EYS: variants seen among roughly 807,000 people sequenced by gnomAD.
EYS encodes the protein EGF-like photoreceptor maintenance factor.
Under a neutral mutation model 282.1 loss-of-function variants are expected in EYS, and 250 were observed. That is an observed-to-expected ratio of 0.89 (90% CI 0.80 to 0.98). The LOEUF (loss-of-function observed/expected upper bound fraction) is 0.98, where lower values mean the gene tolerates loss of function less well. EYS is among the 50% of genes least tolerant of loss of function. The pLI is 0.00. For missense variants in EYS, 4,016 were observed against 3,709.0 expected (o/e 1.08, Z -2.15); for synonymous variants, 1,355 against 1,282.9 (o/e 1.06, Z -1.20).
intron 12 of EYS, among the ~76,000 whole-genome samples, chr6:65,282,405 G>A (rs538364061): frequency 1.3e-5 from 2 of 151,876 alleles, no homozygotes; most frequent in African/African-American, 4.8e-5. Flanking sequence ...ATAACAAAAT[G>A]AACTAAAATT....
chr6:64,238,496 T>G (rs1170270332), intron 30 of EYS, among the ~76,000 whole-genome samples: 1 of 152,128 alleles, frequency 6.6e-6, no homozygotes, highest in African/African-American at 2.4e-5. Context: ...TCACCCTGTA[T>G]TGTACATTTT....
chr6:64,354,848 T>C (rs1204472853), intron 29 of EYS, among the ~76,000 whole-genome samples: 1 of 151,624 alleles, frequency 6.6e-6, no homozygotes, highest in African/African-American at 2.4e-5. Flanking sequence ...TACATAGTTA[T>C]CAAATCCTTT....
chr6:64,535,783 C>T (rs914740081), intron 26 of EYS, among the ~76,000 whole-genome samples: 1 of 151,838 alleles, frequency 6.6e-6, no homozygotes, highest in African/African-American at 2.4e-5. Context: ...TTCATTAAAA[C>T]ATTGACGGAT....
intron 14 of EYS, among the ~76,000 whole-genome samples, chr6:64,985,743 C>T (rs1293208058): frequency 6.6e-6 from 1 of 151,464 alleles, no homozygotes; most frequent in African/African-American, 2.4e-5. Flanking sequence ...AATATTTGGA[C>T]ATCTGTATTT....
At chr6:64,687,185 C>T (rs1433425454) in intron 22 of EYS, among the ~76,000 whole-genome samples, 2 of 151,632 alleles carry the variant, frequency 1.3e-5, no homozygotes, top group African/African-American at 2.4e-5. Context: ...TTCCAAGTAA[C>T]ATTAAGTGGC....
chr6:65,639,119 T>C (rs1455864003), intron 2 of EYS, among the ~76,000 whole-genome samples: 1 of 152,298 alleles, frequency 6.6e-6, no homozygotes, highest in East Asian at 1.9e-4. Flanking sequence ...ATCCTCTTAG[T>C]TGCCAAATCT....
intron 2 of EYS, among the ~76,000 whole-genome samples, chr6:65,584,991 T>C (rs1178358326): frequency 6.6e-6 from 1 of 151,598 alleles, no homozygotes; most frequent in Non-Finnish European, 1.5e-5. Context: ...ACTGTATTTG[T>C]ATCTTATGTT....
At chr6:64,281,922 G>A (rs1372377587) in intron 30 of EYS, among the ~76,000 whole-genome samples, 1 of 152,086 alleles carries the variant, frequency 6.6e-6, no homozygotes, top group East Asian at 1.9e-4. Flanking sequence ...TGAATATGGA[G>A]TAGAGGGGAA....
intron 26 of EYS, among the ~76,000 whole-genome samples, chr6:64,451,512 G>A (rs1163278420): frequency 1.3e-5 from 2 of 152,086 alleles, no homozygotes; most frequent in African/African-American, 2.4e-5. Context: ...CATTTTATGA[G>A]GCCAGCATCA....
At chr6:64,073,954 TTGA>T (rs559012749) in intron 32 of EYS, among the ~76,000 whole-genome samples, 2 of 151,858 alleles carry the variant, frequency 1.3e-5, no homozygotes, top group South Asian at 4.1e-4. Context: ...GAAAAGATGC[TTGA>T]TGATCCATTA....
At chr6:65,643,677 C>T (rs1018492903) in intron 1 of EYS, among the ~76,000 whole-genome samples, 2 of 152,136 alleles carry the variant, frequency 1.3e-5, no homozygotes, top group Non-Finnish European at 2.9e-5. Context: ...CAGAGTCCAC[C>T]TCACTCCCCT....
intron 37 of EYS, among the ~76,000 whole-genome samples, chr6:63,804,791 C>A (rs1770862312): frequency 6.6e-6 from 1 of 152,136 alleles, no homozygotes. Flanking sequence ...ATCTAATAAA[C>A]CTTTTAAGAG....
intron 12 of EYS, among the ~76,000 whole-genome samples, chr6:65,273,681 C>T (rs979247808): frequency 6.6e-6 from 1 of 152,200 alleles, no homozygotes; most frequent in African/African-American, 2.4e-5. Flanking sequence ...AATGCAGCTA[C>T]AAGGTCACCA....
Position 65,331,160 on chromosome 6 carries a change from A to T in EYS, c.1766+3820T>A, listed in dbSNP as rs184318412. 3.2e-3 allele frequency: 2,845 copies of T among 879,630 alleles called. 6 individuals carry two copies. The highest frequency in any genetic ancestry group is 3.4e-3 in the Non-Finnish European group (2,495 of 733,648). 54.5% of individuals were successfully genotyped at this position (879,630 alleles called of 1,614,324 possible). On this transcript the variant is annotated intron_variant, in intron 11 of 42. Transcript: ENST00000503581. ...AAAATATTATTCATAAATATATATA[A>T]CATGATAATTAGTTTCTAAAATAAC...
At chr6:64,622,361 TG>T (rs779730336) in intron 23 of EYS, among the ~76,000 whole-genome samples, 2 of 150,408 alleles carry the variant, frequency 1.3e-5, no homozygotes, top group Non-Finnish European at 3.0e-5. Context: ...CCCCAAGGAC[TG>T]ATTATGATAC....
At position 64,010,401 on chromosome 6, in the gene EYS, G is replaced by T. The variant is rs565626696; in HGVS notation, c.6726-11218C>A. On this transcript the variant is annotated intron_variant, in intron 33 of 42. Transcript: ENST00000503581. ...CTGTGTGTGTGTTTGGTTGGGGGGG[G>T]GGGTGGTGGTGTGGAGAGAAGGGGG... 1.9e-4 allele frequency among the ~76,000 whole-genome samples: 28 copies of T among 151,054 alleles called. 1 individual carries two copies. The East Asian group carries it at 5.3e-3, about 29-fold the overall frequency.
At chr6:65,390,073 AAAG>A (rs769654381) in intron 7 of EYS, among the ~76,000 whole-genome samples, 1 of 151,996 alleles carries the variant, frequency 6.6e-6, no homozygotes, top group African/African-American at 2.4e-5. Context: ...TCAGAGAGTG[AAAG>A]AATTTAAATT....
intron 12 of EYS, among the ~76,000 whole-genome samples, chr6:65,066,200 A>T (rs1773740460): frequency 6.6e-6 from 1 of 152,214 alleles, no homozygotes; most frequent in East Asian, 1.9e-4. Context: ...ATTAAACATT[A>T]CCACTTGCCA....
intron 22 of EYS, among the ~76,000 whole-genome samples, chr6:64,694,022 A>C (rs1344873701): frequency 6.6e-6 from 1 of 152,204 alleles, no homozygotes; most frequent in Non-Finnish European, 1.5e-5. Flanking sequence ...TTACAGATTC[A>C]CATCAATGAA....
Sources: gnomAD v4.1 joint callset for allele counts (sites outside exome capture counted in the v4.1 genomes callset) on GRCh38, gnomAD v4.1.1 for gene constraint, MANE v1.5 for transcripts, NCBI Gene and HGNC (gene_info 2026-07-23, HGNC 2026-07-21) for gene names.